The following SGK3 variants were observed in gnomAD, a reference collection of about 807,000 sequenced individuals.
SGK3 encodes serum/glucocorticoid regulated kinase family member 3.
SGK3 carries 47 observed loss-of-function variants against 68.5 expected under a neutral mutation model. The ratio of observed to expected loss-of-function variants is 0.69; its 90% CI spans 0.54 to 0.87. SGK3 has a LOEUF of 0.87. Ranked by LOEUF, SGK3 falls within the 40% of genes least tolerant of loss-of-function variation. SGK3 has a pLI of 0.00. For missense variants in SGK3, 479 were observed against 575.5 expected (o/e 0.83, Z 1.72); for synonymous variants, 181 against 189.1 (o/e 0.96, Z 0.35).
At chr8:66,738,045 C>G (rs58434561) in intron 1 of SGK3, among the ~76,000 whole-genome samples, 19,929 of 151,852 alleles carry the variant, frequency 0.13, 2,500 homozygotes, top group African/African-American at 0.33. Flanking sequence ...ATTGTCTCTA[C>G]TATTCTCCTG....
At chr8:66,749,921 A>G (rs1325823103) in intron 1 of SGK3, among the ~76,000 whole-genome samples, 2 of 149,354 alleles carry the variant, frequency 1.3e-5, no homozygotes, top group African/African-American at 2.5e-5. Flanking sequence ...CTGCCTGGAA[A>G]TAGTTTCTAG....
rs950286974 is a variant in SGK3, at chr8:66,847,074, G to A, written c.1075-119G>A. 3.5e-5 allele frequency: 49 copies of A among 1,408,742 alleles called. No individual in the cohort carries two copies. The Admixed American group carries it at 8.4e-4, about 24-fold the overall frequency. 87.3% of individuals were successfully genotyped at this position (1,408,742 alleles called of 1,614,324 possible). A position where few individuals can be genotyped will look rare whatever the true frequency, so the allele number is the denominator to read the frequency against. On this transcript the variant is annotated intron_variant, in intron 14 of 16. Coordinates refer to ENST00000521198, the MANE Select transcript of SGK3 (RefSeq NM_001033578.3). ...GAAGCCACACTGCAGGTGTCTACAC[G>A]TCCCAAGAGGTCCATACATTTTTTC...
chr8:66,751,436 A>G (rs1234400492), intron 1 of SGK3, among the ~76,000 whole-genome samples: 4 of 152,164 alleles, frequency 2.6e-5, no homozygotes, highest in African/African-American at 9.7e-5. Flanking sequence ...TCTTATTTGT[A>G]CTTCATGAAA....
intron 16 of SGK3, among the ~76,000 whole-genome samples, chr8:66,856,268 C>T (rs558900057): frequency 2.2e-4 from 34 of 152,208 alleles, no homozygotes; most frequent in African/African-American, 7.9e-4. Context: ...GGGGTTCCAT[C>T]GTGTTAACCA....
chr8:66,850,104 T>C (rs1021883885), intron 15 of SGK3, among the ~76,000 whole-genome samples: 3 of 152,216 alleles, frequency 2.0e-5, no homozygotes. Context: ...TGCAGCCATA[T>C]TGGACTCTCA....
chr8:66,842,040 AG>A (rs1809818421), intron 13 of SGK3, among the ~76,000 whole-genome samples: 1 of 152,134 alleles, frequency 6.6e-6, no homozygotes, highest in African/African-American at 2.4e-5. Flanking sequence ...CTTAACTAAA[AG>A]TATCTCTAAG....
chr8:66,731,388 A>C (rs139652597), intron 1 of SGK3, among the ~76,000 whole-genome samples: 144 of 152,306 alleles, frequency 9.5e-4, no homozygotes, highest in Non-Finnish European at 1.9e-3. Flanking sequence ...TTAATGTTTC[A>C]TATTAGAATA....
chr8:66,823,035 A>G (rs901930426), intron 6 of SGK3, among the ~76,000 whole-genome samples: 2 of 152,138 alleles, frequency 1.3e-5, no homozygotes, highest in Admixed American at 1.3e-4. Context: ...TATCCATATT[A>G]TTGCACCCAC....
chr8:66,753,574 C>G (rs1004615180), intron 1 of SGK3, among the ~76,000 whole-genome samples: 2 of 152,150 alleles, frequency 1.3e-5, no homozygotes, highest in African/African-American at 2.4e-5. Flanking sequence ...CCTGTAATCC[C>G]AGCACTTTGG....
At chr8:66,738,571 T>C (rs1203786283) in intron 1 of SGK3, among the ~76,000 whole-genome samples, 1 of 152,082 alleles carries the variant, frequency 6.6e-6, no homozygotes, top group Non-Finnish European at 1.5e-5. Context: ...TGAACCCCAC[T>C]TGTGCTTGGA....
At chr8:66,766,231 CAATT>C (rs1401060478) in intron 1 of SGK3, among the ~76,000 whole-genome samples, 1 of 151,520 alleles carries the variant, frequency 6.6e-6, no homozygotes, top group Non-Finnish European at 1.5e-5. Flanking sequence ...CTACAAATAT[CAATT>C]AAGTTGGCCG....
At chr8:66,842,466 C>T (rs190539566) in intron 13 of SGK3, among the ~76,000 whole-genome samples, 9 of 151,994 alleles carry the variant, frequency 5.9e-5, no homozygotes, top group Non-Finnish European at 1.2e-4. Context: ...GTGATCCACC[C>T]GCCTCAGCCT....
chr8:66,794,539 C>A (rs189975515), intron 2 of SGK3, among the ~76,000 whole-genome samples: 2 of 151,946 alleles, frequency 1.3e-5, no homozygotes, highest in East Asian at 3.9e-4. Context: ...TAACTCCCCA[C>A]CCCCCTCACC....
At chr8:66,725,408 A>C (rs1349526927) in intron 1 of SGK3, among the ~76,000 whole-genome samples, 1 of 151,800 alleles carries the variant, frequency 6.6e-6, no homozygotes, top group Non-Finnish European at 1.5e-5. Context: ...CTCAGAAAAA[A>C]AAAAAAGACA....
At chr8:66,786,925 CTTTTTTTTTTTTTTT>C (rs71249407) in intron 1 of SGK3, among the ~76,000 whole-genome samples, 1 of 48,686 alleles carries the variant, frequency 2.1e-5, no homozygotes, top group Non-Finnish European at 3.7e-5. Context: ...TTTTCTCTGT[CTTTTTTTTTTTTTTT>C]TTTTTTTTTT....
chr8:66,751,465 A>G (rs139887738), intron 1 of SGK3, among the ~76,000 whole-genome samples: 1 of 152,252 alleles, frequency 6.6e-6, no homozygotes, highest in African/African-American at 2.4e-5. Context: ...CTCTTTTCTC[A>G]TTGCCTTAAG....
intron 8 of SGK3, among the ~76,000 whole-genome samples, chr8:66,833,574 T>C (rs1390205632): frequency 6.6e-6 from 1 of 152,262 alleles, no homozygotes; most frequent in Non-Finnish European, 1.5e-5. Flanking sequence ...ACTCTGTAGA[T>C]CAATTTGGGA....
chr8:66,850,125 CA>C (rs1810211512), intron 15 of SGK3, among the ~76,000 whole-genome samples: 1 of 152,160 alleles, frequency 6.6e-6, no homozygotes, highest in African/African-American at 2.4e-5. Context: ...TTTTCTTGAC[CA>C]TACTAACCTC....
chr8:66,846,131 T>A (rs562444035), intron 14 of SGK3, among the ~76,000 whole-genome samples: 23 of 152,240 alleles, frequency 1.5e-4, no homozygotes, highest in East Asian at 7.7e-4. Context: ...ACAGTAACAT[T>A]TTACATGGTA....
Sources: gnomAD v4.1 joint callset for allele counts (sites outside exome capture counted in the v4.1 genomes callset) on GRCh38, gnomAD v4.1.1 for gene constraint, MANE v1.5 for transcripts, NCBI Gene and HGNC (gene_info 2026-07-23, HGNC 2026-07-21) for gene names.